The following CPSF7 variants were observed in gnomAD, a reference collection of about 807,000 sequenced individuals.
The protein encoded by CPSF7 is cleavage and polyadenylation specific factor 7.
A neutral mutation model predicts 44.3 loss-of-function variants in CPSF7; 1 was observed. That is an observed-to-expected ratio of 0.02 (90% CI 0.01 to 0.11). The LOEUF is 0.11. Among genes scored for constraint, CPSF7 ranks in the 10% least tolerant of loss-of-function variants. CPSF7 has a pLI of 1.00. For missense variants in CPSF7, 443 were observed against 607.2 expected (o/e 0.73, Z 2.84); for synonymous variants, 202 against 222.0 (o/e 0.91, Z 0.80).
At chr11:61,406,883 C>T (rs1859380392) in intron 9 of CPSF7, among the ~76,000 whole-genome samples, 1 of 151,952 alleles carries the variant, frequency 6.6e-6, no homozygotes, top group Admixed American at 6.6e-5. Flanking sequence ...AGCTGGGACT[C>T]CTCCTGCCTC....
intron 7 of CPSF7, among the ~76,000 whole-genome samples, chr11:61,413,450 G>GT (rs1375216131): frequency 6.6e-6 from 1 of 151,926 alleles, no homozygotes; most frequent in Non-Finnish European, 1.5e-5. Context: ...GGCCAAAATG[G>GT]TGAAACCCGG....
rs546844889 is a variant in CPSF7 at position 61,410,813 on chromosome 11, T to C, written c.*5+125A>G. 9.2e-6 allele frequency: 9 copies of C among 978,506 alleles called. No homozygotes were observed. In the South Asian group the frequency reaches 1.3e-4, roughly 14 times the overall value. The allele number at this position is 978,506 out of a possible 1,614,324, so 60.6% of individuals were successfully genotyped here. A position where few individuals can be genotyped will look rare whatever the true frequency, so the allele number is the denominator to read the frequency against. On this transcript the variant is annotated intron_variant, in intron 9 of 9. Transcript: ENST00000439958. The stretch of plus-strand genomic sequence containing the variant: ...AAAATCTGCCCTGAAATTCCAGTTA[T>C]GTAAATCAGAAGTTCCCCCTACCCT...
At chr11:61,424,196 G>C (rs926692558) in intron 2 of CPSF7, among the ~76,000 whole-genome samples, 2 of 152,204 alleles carry the variant, frequency 1.3e-5, no homozygotes, top group African/African-American at 4.8e-5. Flanking sequence ...ACACTGGAGA[G>C]GACAGGGTGG....
chr11:61,416,272 G>A lies in CPSF7; in HGVS notation c.771C>T (p.Leu257=), dbSNP rs1860330829. 6.5e-7 allele frequency: 1 copy of A among 1,539,666 alleles called. No homozygotes were observed. Among genetic ancestry groups the A allele is most frequent in the South Asian group, 1.3e-5 (1 of 78,950 alleles). ...PPPPGIHYQH[L]MPPPPRLPPH... ...GAGGTAATCGAGGAGGTGGGGGCAT[G>A]AGATGCTGGTAGTGGATACCAGGAG... is the stretch of plus-strand genomic sequence containing the variant. The change falls in exon 6 of 10, where the codon CTC becomes CTT. Residue 257 remains leucine (L), a synonymous_variant. Transcript: ENST00000439958.
At chr11:61,427,646 C>G (rs1440493300) in intron 2 of CPSF7, among the ~76,000 whole-genome samples, 1 of 139,678 alleles carries the variant, frequency 7.2e-6, no homozygotes, top group Admixed American at 7.5e-5. Context: ...GAGAGAGACT[C>G]TGTCTCAAGA....
chr11:61,420,994 C>T (rs756699812), intron 3 of CPSF7: 108 of 988,662 alleles, frequency 1.1e-4, no homozygotes, highest in Non-Finnish European at 1.5e-4. Flanking sequence ...TGCAGAACAA[C>T]AGTCACCACC....
chr11:61,416,236 A>T lies in CPSF7; in HGVS notation c.807T>A (p.Ala269=), dbSNP rs1203343868. 3.3e-6 allele frequency: 5 copies of T among 1,533,572 alleles called. No homozygotes were observed. The highest frequency in any genetic ancestry group is 1.4e-5 in the African/African-American group (1 of 72,266). The allele number at this position is 1,533,572 out of a possible 1,614,324, so 95.0% of individuals were successfully genotyped here. The change falls in exon 6 of 10, where the codon GCT becomes GCA. Residue 269 remains alanine (A), a synonymous_variant. Transcript: ENST00000439958. ...GTGGGATGGCCCCAGGGGGAGGTAC[A>T]GCAAGATGAGGAGGTAATCGAGGAG... is the stretch of plus-strand genomic sequence containing the variant. ...PPPPRLPPHL[A]VPPPGAIPPA...
At chr11:61,423,682 T>C (rs976913635) in intron 2 of CPSF7, among the ~76,000 whole-genome samples, 2 of 152,036 alleles carry the variant, frequency 1.3e-5, no homozygotes, top group African/African-American at 4.8e-5. Flanking sequence ...TCTAGTACCC[T>C]GAAGAAACAG....
chr11:61,415,982 TATG>T (rs1198190617), intron 6 of CPSF7, 120 bp downstream of exon 6: 5 of 1,010,286 alleles, frequency 4.9e-6, no homozygotes, highest in Non-Finnish European at 7.2e-6. Flanking sequence ...GAGTCAATGC[TATG>T]ATAACAGAAT....
At chr11:61,426,382 T>G (rs1418714007) in intron 2 of CPSF7, 1 of 152,216 alleles carries the variant, frequency 6.6e-6, no homozygotes, top group African/African-American at 2.4e-5. Flanking sequence ...ACACTAACTT[T>G]GTCAAAAATA....
At chr11:61,416,082 C>A (rs80264062) in intron 6 of CPSF7, 23 bp downstream of exon 6, 1 of 1,488,750 alleles carries the variant, frequency 6.7e-7, no homozygotes, top group Non-Finnish European at 8.9e-7. Flanking sequence ...TGGCTCAAAT[C>A]TGAAAGGAAC....
intron 4 of CPSF7, 106 bp from the exon 5 acceptor site, chr11:61,420,200 T>C (rs1052237914): frequency 4.3e-6 from 4 of 922,298 alleles, no homozygotes; most frequent in African/African-American, 3.4e-5. Context: ...AAAGGACATC[T>C]TGCTAAACTA....
At chr11:61,407,698 A>C (rs1590663927) in intron 9 of CPSF7, among the ~76,000 whole-genome samples, 1 of 152,244 alleles carries the variant, frequency 6.6e-6, no homozygotes, top group South Asian at 2.1e-4. Flanking sequence ...GAGACAAAAA[A>C]TATTAGTAAT....
chr11:61,421,985 C>T (rs1860925288), intron 2 of CPSF7, among the ~76,000 whole-genome samples: 1 of 152,174 alleles, frequency 6.6e-6, no homozygotes, highest in Non-Finnish European at 1.5e-5. Flanking sequence ...AACTTATTTT[C>T]AGTATCTTAT....
At chr11:61,428,083 G>A (rs1219704711) in intron 2 of CPSF7, among the ~76,000 whole-genome samples, 12 of 152,212 alleles carry the variant, frequency 7.9e-5, no homozygotes, top group African/African-American at 2.9e-4. Context: ...ACCCAGGCAA[G>A]ATATTAGTAC....
chr11:61,413,657 G>A (rs1344801995), intron 7 of CPSF7, among the ~76,000 whole-genome samples: 3 of 151,550 alleles, frequency 2.0e-5, no homozygotes, highest in African/African-American at 7.3e-5. Flanking sequence ...AAAAATTTAT[G>A]CTGTCATAAA....
chr11:61,415,011 C>T (rs751558125), intron 7 of CPSF7, among the ~76,000 whole-genome samples: 7 of 152,038 alleles, frequency 4.6e-5, no homozygotes, highest in East Asian at 3.8e-4. Flanking sequence ...CCGAGACAGG[C>T]GGATCACTTG....
rs1341513772 is a variant in CPSF7 at position 61,419,253 on chromosome 11, A to C, written c.523+696T>G. Among the ~76,000 whole-genome samples the C allele has an allele frequency of 2.0e-5, 3 of 151,920 alleles. No homozygotes were observed. In the South Asian group the frequency reaches 6.2e-4, roughly 32 times the overall value. ...TGGCCAGGCTGGTCTCAAACTCTTG[A>C]CCTCGTGATCCACCCACCTCGGCCT... On this transcript the variant is annotated intron_variant, in intron 5 of 9. Transcript: ENST00000439958.
intron 9 of CPSF7, 27 bp downstream of exon 9, chr11:61,410,911 G>A (rs753227647): frequency 6.5e-7 from 1 of 1,539,174 alleles, no homozygotes; most frequent in South Asian, 1.2e-5. Flanking sequence ...AAATCCCCCA[G>A]CAGCCAGGAA....
Sources: allele counts gnomAD v4.1 joint callset (sites outside exome capture counted in the v4.1 genomes callset), GRCh38; gene constraint gnomAD v4.1.1; transcripts MANE v1.5; gene names NCBI Gene and HGNC (gene_info 2026-07-23, HGNC 2026-07-21).